Variants in TRPS1 observed in about 807,000 individuals in gnomAD.
TRPS1 encodes the protein transcriptional repressor GATA binding 1.
Under a neutral mutation model 101.2 loss-of-function variants are expected in TRPS1, and 6 were observed. The observed-to-expected ratio is 0.06, with a 90% CI of 0.03 to 0.12. TRPS1 has a LOEUF of 0.12. Ranked by LOEUF, TRPS1 falls within the 10% of genes least tolerant of loss-of-function variation. The pLI is 1.00. For synonymous variants in TRPS1, 578 were observed against 589.8 expected, an observed-to-expected ratio of 0.98 and a Z score of 0.29; for missense variants, 1,363 against 1,567.0, an observed-to-expected ratio of 0.87 and a Z score of 2.20.
chr8:115,522,592 A>G (rs994324910), intron 5 of TRPS1, among the ~76,000 whole-genome samples: 4 of 152,124 alleles, frequency 2.6e-5, no homozygotes, highest in African/African-American at 4.8e-5. Flanking sequence ...TGATAACACC[A>G]GAAAATAATG....
chr8:115,589,682 C>G (rs1208438261), intron 4 of TRPS1, among the ~76,000 whole-genome samples: 1 of 152,118 alleles, frequency 6.6e-6, no homozygotes, highest in Non-Finnish European at 1.5e-5. Flanking sequence ...AGACGATTAT[C>G]AACAAGAGGA....
intron 5 of TRPS1, among the ~76,000 whole-genome samples, chr8:115,431,479 C>A (rs893591861): frequency 6.6e-6 from 1 of 152,018 alleles, no homozygotes; most frequent in African/African-American, 2.4e-5. Context: ...TCTCTCCTCT[C>A]TTTCTTTCCT....
chr8:115,563,235 T>C (rs878915374), intron 5 of TRPS1, among the ~76,000 whole-genome samples: 2 of 150,738 alleles, frequency 1.3e-5, no homozygotes, highest in East Asian at 3.9e-4. Context: ...CGGGTGAGGG[T>C]GTTCTTAGGA....
At chr8:115,511,505 T>C (rs1815582795) in intron 5 of TRPS1, among the ~76,000 whole-genome samples, 1 of 151,904 alleles carries the variant, frequency 6.6e-6, no homozygotes, top group East Asian at 1.9e-4. Flanking sequence ...TTTCTTTCTC[T>C]TCTCCAATCT....
At chr8:115,558,275 T>C (rs2130360758) in intron 5 of TRPS1, among the ~76,000 whole-genome samples, 1 of 152,244 alleles carries the variant, frequency 6.6e-6, no homozygotes, top group African/African-American at 2.4e-5. Flanking sequence ...TAATTTACTG[T>C]TAATATTGGG....
chr8:115,582,427 G>A (rs1229330432), intron 5 of TRPS1, among the ~76,000 whole-genome samples: 1 of 152,110 alleles, frequency 6.6e-6, no homozygotes, highest in African/African-American at 2.4e-5. Flanking sequence ...TAAATTTAAC[G>A]CTGCTGAAGA....
chr8:115,447,839 G>C (rs1358489307), intron 5 of TRPS1, among the ~76,000 whole-genome samples: 1 of 152,030 alleles, frequency 6.6e-6, no homozygotes. Flanking sequence ...AGAGATCTAG[G>C]TCCATTCTTT....
chr8:115,619,737 T>C lies in TRPS1; in HGVS notation c.361A>G (p.Arg121Gly), dbSNP rs964024525. The C allele has an allele frequency of 6.2e-7, 1 of 1,614,250 alleles. No individual in the cohort carries two copies. Among genetic ancestry groups the C allele is most frequent in the Non-Finnish European group, 8.5e-7 (1 of 1,180,048 alleles). ...PSFPHDEVTD[R>G]NMLAFSSPAA... Reference sequence around the variant, plus strand: ...GGAGATGAGAAAGCCAACATATTTCTGTCTGTCACCTCATCATGCGGAAAG... The same window carrying C: ...GGAGATGAGAAAGCCAACATATTTCCGTCTGTCACCTCATCATGCGGAAAG... The change falls in exon 3 of 7, where the codon AGA (arginine) becomes GGA (glycine). Residue 121 changes from arginine to glycine, a missense_variant. Physicochemically the swap from Arg to Gly is moderately radical, Grantham distance 125 (BLOSUM62 -2). Around this residue, in one of 5 missense-constraint regions of TRPS1, gnomAD observed 1,020 missense variants for 1,073.0 expected, o/e 0.95. Coordinates refer to ENST00000395715, the MANE Select transcript of TRPS1 (RefSeq NM_014112.5).
rs555979269 is a variant in TRPS1, at chr8:115,442,577, G to A, written c.2701-24125C>T. Reference sequence around the variant, plus strand: ...TGTGTGTGTGTGTGTGTGTGTGTGTGTGTATGTGTGTGTGCATGTGTGTGT... The same window carrying A: ...TGTGTGTGTGTGTGTGTGTGTGTGTATGTATGTGTGTGTGCATGTGTGTGT... On this transcript the variant is annotated intron_variant, in intron 5 of 6. Coordinates refer to ENST00000395715, the MANE Select transcript of TRPS1 (RefSeq NM_014112.5). 2.0e-3 allele frequency among the ~76,000 whole-genome samples: 296 copies of A among 151,318 alleles called. 1 individual carries two copies. Among genetic ancestry groups the A allele is most frequent in the Non-Finnish European group, 3.3e-3 (223 of 67,786 alleles).
At chr8:115,450,061 A>T (rs990078615) in intron 5 of TRPS1, among the ~76,000 whole-genome samples, 1 of 152,120 alleles carries the variant, frequency 6.6e-6, no homozygotes, top group African/African-American at 2.4e-5. Flanking sequence ...AACAAATTAG[A>T]GTATATAGGA....
chr8:115,570,888 T>C (rs1266918431), intron 5 of TRPS1, among the ~76,000 whole-genome samples: 3 of 152,130 alleles, frequency 2.0e-5, no homozygotes, highest in African/African-American at 7.2e-5. Context: ...GTCTGTTCAT[T>C]AAAAATAGAA....
chr8:115,491,215 C>T (rs1404917336), intron 5 of TRPS1, among the ~76,000 whole-genome samples: 1 of 152,152 alleles, frequency 6.6e-6, no homozygotes, highest in Non-Finnish European at 1.5e-5. Context: ...TTTGAGGAGA[C>T]CTTTGTCTTT....
intron 5 of TRPS1, among the ~76,000 whole-genome samples, chr8:115,567,340 A>G (rs1323395992): frequency 6.6e-6 from 1 of 152,150 alleles, no homozygotes; most frequent in African/African-American, 2.4e-5. Flanking sequence ...TCGTAATCTA[A>G]TGAAATTCTA....
intron 5 of TRPS1, among the ~76,000 whole-genome samples, chr8:115,570,885 C>T (rs1228427138): frequency 6.6e-6 from 1 of 152,130 alleles, no homozygotes; most frequent in East Asian, 1.9e-4. Flanking sequence ...CATGTCTGTT[C>T]ATTAAAAATA....
chr8:115,466,477 T>C (rs1814321967), intron 5 of TRPS1, among the ~76,000 whole-genome samples: 1 of 152,166 alleles, frequency 6.6e-6, no homozygotes, highest in Non-Finnish European at 1.5e-5. Context: ...AACTCTACAG[T>C]AAAGTGAAGA....
Position 115,414,644 on chromosome 8 carries a change from C to T in TRPS1, c.3264G>A (p.Ala1088=), listed in dbSNP as rs768609990. ...GSPIEKYMRP[A]KHPNYSPPGS... ...CTGGTGGTGAATAATTTGGGTGTTTCGCAGGTCTCATGTACTTTTCTATAG... is the reference window on the plus strand; with the variant it reads ...CTGGTGGTGAATAATTTGGGTGTTTTGCAGGTCTCATGTACTTTTCTATAG... Residue 1088 remains alanine, a synonymous_variant, in exon 7 of 7, where the codon GCG becomes GCA. Transcript: ENST00000395715. The surrounding 1 kb of genome is among the most constrained non-coding windows in gnomAD (Gnocchi z 4.8). 14 of 1,614,040 alleles carry T rather than the reference C, an allele frequency of 8.7e-6. No homozygotes were observed. The South Asian group carries it at 1.2e-4, about 14-fold the overall frequency.
chr8:115,554,020 T>C (rs1816761850), intron 5 of TRPS1, among the ~76,000 whole-genome samples: 1 of 152,208 alleles, frequency 6.6e-6, no homozygotes, highest in Non-Finnish European at 1.5e-5. Context: ...AAAATGTATT[T>C]GTATACTACA....
intron 5 of TRPS1, among the ~76,000 whole-genome samples, chr8:115,541,456 C>A (rs1816452041): frequency 1.3e-5 from 2 of 152,196 alleles, no homozygotes; most frequent in Admixed American, 1.3e-4. Context: ...GGCAATAGAA[C>A]ACTTTCACCT....
intron 5 of TRPS1, among the ~76,000 whole-genome samples, chr8:115,527,073 T>A (rs1816016006): frequency 6.6e-6 from 1 of 152,148 alleles, no homozygotes; most frequent in Non-Finnish European, 1.5e-5. Flanking sequence ...TTCCAGGGGA[T>A]ATCACGTTTC....
Sources: allele counts gnomAD v4.1 joint callset (sites outside exome capture counted in the v4.1 genomes callset), GRCh38; gene constraint gnomAD v4.1.1; regional missense constraint gnomAD v4.1.1; non-coding constraint Gnocchi (gnomAD v3.1); transcripts MANE v1.5; gene names NCBI Gene and HGNC (gene_info 2026-07-23, HGNC 2026-07-21).